NOX4: variants seen among roughly 807,000 people sequenced by gnomAD.
NOX4 encodes NADPH oxidase 4.
A neutral mutation model predicts 87.6 loss-of-function variants in NOX4; 69 were observed. The ratio of observed to expected loss-of-function variants is 0.79; its 90% CI spans 0.65 to 0.96. NOX4 has a LOEUF of 0.96. Among genes scored for constraint, NOX4 ranks in the 40% least tolerant of loss-of-function variants. NOX4 has a pLI of 0.00. For synonymous variants in NOX4, 275 were observed against 238.2 expected (o/e 1.15, Z -1.42); for missense variants, 680 against 681.5 (o/e 1.00, Z 0.02).
intron 12 of NOX4, among the ~76,000 whole-genome samples, chr11:89,359,808 G>T (rs1938377281): frequency 6.6e-6 from 1 of 151,688 alleles, no homozygotes; most frequent in African/African-American, 2.4e-5. Context: ...GATTTTTCAG[G>T]GTAATAAAAG....
the NOX4 span, among the ~76,000 whole-genome samples, chr11:89,585,234 A>C: frequency 6.6e-6 from 1 of 151,902 alleles, no homozygotes; most frequent in Non-Finnish European, 1.5e-5. Flanking sequence ...TCTAGGAGCC[A>C]CTCTCATATT....
intron 11 of NOX4, among the ~76,000 whole-genome samples, chr11:89,393,016 C>T (rs1453603661): frequency 1.3e-5 from 2 of 152,156 alleles, no homozygotes; most frequent in East Asian, 1.9e-4. Flanking sequence ...TCTCCTTTCT[C>T]ACAGTGGCCT....
chr11:89,514,796 T>C, the NOX4 span, among the ~76,000 whole-genome samples: 4 of 152,022 alleles, frequency 2.6e-5, no homozygotes, highest in African/African-American at 9.6e-5. Context: ...AACCTTGCAT[T>C]CCTTGGATGA....
At chr11:89,476,822 CATAA>C (rs1480628051) in intron 2 of NOX4, among the ~76,000 whole-genome samples, 3 of 152,100 alleles carry the variant, frequency 2.0e-5, no homozygotes, top group Non-Finnish European at 4.4e-5. Context: ...CACACGGCCA[CATAA>C]ATAGACTTCA....
upstream of NOX4, among the ~76,000 whole-genome samples, chr11:89,502,660 A>C (rs2135512901): frequency 6.6e-6 from 1 of 152,152 alleles, no homozygotes; most frequent in South Asian, 2.1e-4. Context: ...AATACTCTAA[A>C]TGCTATAATT....
Position 89,422,241 on chromosome 11 carries a change from T to C in NOX4, c.549-259A>G, listed in dbSNP as rs577851945. ...ATGGAAATAATAAAAATAAGTTGTT[T>C]ATTTTCAAGTTATTATGATATAAGG... is the stretch of plus-strand genomic sequence containing the variant. On this transcript the variant is annotated intron_variant, in intron 7 of 17. Transcript: ENST00000263317. Among the ~76,000 whole-genome samples the C allele has an allele frequency of 6.6e-5, 10 of 152,256 alleles. No homozygotes were observed. In the South Asian group the frequency reaches 2.1e-3, roughly 32 times the overall value.
upstream of NOX4, among the ~76,000 whole-genome samples, chr11:89,491,929 G>A (rs2135503183): frequency 6.6e-6 from 1 of 151,912 alleles, no homozygotes; most frequent in South Asian, 2.1e-4. Flanking sequence ...AAGCCCCCCT[G>A]ACAGCCTTAC....
chr11:89,568,161 T>C, the NOX4 span, among the ~76,000 whole-genome samples: 2 of 151,758 alleles, frequency 1.3e-5, no homozygotes, highest in Non-Finnish European at 2.9e-5. Context: ...CGTGAAATCA[T>C]CCAGAAACAA....
At chr11:89,388,048 A>G (rs1940838380) in intron 11 of NOX4, among the ~76,000 whole-genome samples, 1 of 152,212 alleles carries the variant, frequency 6.6e-6, no homozygotes. Flanking sequence ...TATGCTTTAG[A>G]CTTCTCAAAT....
the NOX4 span, among the ~76,000 whole-genome samples, chr11:89,524,751 A>C: frequency 6.6e-6 from 1 of 152,118 alleles, no homozygotes; most frequent in Non-Finnish European, 1.5e-5. Context: ...TGATATATAA[A>C]TACATCGTGA....
intron 17 of NOX4, among the ~76,000 whole-genome samples, 168 bp from the exon 18 acceptor site, chr11:89,327,044 A>T (rs1009765201): frequency 5.9e-5 from 9 of 152,230 alleles, no homozygotes; most frequent in African/African-American, 2.2e-4. Flanking sequence ...GTCAACCAGG[A>T]AAATATTTTA....
At chr11:89,379,058 G>A (rs1307092041) in intron 11 of NOX4, among the ~76,000 whole-genome samples, 3 of 152,104 alleles carry the variant, frequency 2.0e-5, no homozygotes, top group South Asian at 2.1e-4. Context: ...TGGATTGAAC[G>A]TGTGCATTTA....
intron 2 of NOX4, among the ~76,000 whole-genome samples, chr11:89,464,865 T>C (rs1287840161): frequency 1.3e-5 from 2 of 152,204 alleles, no homozygotes; most frequent in Non-Finnish European, 2.9e-5. Flanking sequence ...CTCTCCAAAA[T>C]TCATTTGTTG....
chr11:89,381,366 T>C (rs1940272105), intron 11 of NOX4, among the ~76,000 whole-genome samples: 1 of 151,692 alleles, frequency 6.6e-6, no homozygotes, highest in Admixed American at 6.6e-5. Flanking sequence ...AACTGAAGAG[T>C]CACAAAAGAA....
intron 6 of NOX4, among the ~76,000 whole-genome samples, chr11:89,435,500 T>C (rs2135326661): frequency 6.6e-6 from 1 of 152,244 alleles, no homozygotes; most frequent in African/African-American, 2.4e-5. Context: ...CTAAAAATAC[T>C]ATAACCATTC....
intron 8 of NOX4, among the ~76,000 whole-genome samples, chr11:89,411,845 A>C (rs545459827): frequency 1.3e-5 from 2 of 152,204 alleles, no homozygotes; most frequent in Non-Finnish European, 2.9e-5. Flanking sequence ...ATGTCAATGA[A>C]ATAAACTGTC....
intron 15 of NOX4, among the ~76,000 whole-genome samples, chr11:89,338,076 C>A (rs961107320): frequency 1.3e-4 from 19 of 151,876 alleles, no homozygotes; most frequent in Admixed American, 3.9e-4. Flanking sequence ...AAATATGGAA[C>A]AACAACCCCT....
At chr11:89,572,251 C>G in the NOX4 span, among the ~76,000 whole-genome samples, 1 of 152,202 alleles carries the variant, frequency 6.6e-6, no homozygotes. Flanking sequence ...TCTCAAATAC[C>G]TTTTGGTTTA....
At chr11:89,540,645 G>T in the NOX4 span, among the ~76,000 whole-genome samples, 855 of 151,352 alleles carry the variant, frequency 5.6e-3, 10 homozygotes, top group African/African-American at 0.02. Context: ...AAAATTAGCC[G>T]GGCATGGTGG....
Sources: allele counts gnomAD v4.1 joint callset (sites outside exome capture counted in the v4.1 genomes callset), GRCh38; gene constraint gnomAD v4.1.1; transcripts MANE v1.5; gene names NCBI Gene and HGNC (gene_info 2026-07-23, HGNC 2026-07-21).